Variants in NOS1 observed in about 807,000 individuals in gnomAD.
The protein encoded by NOS1 is nitric oxide synthase 1.
Under a neutral mutation model 164.5 loss-of-function variants are expected in NOS1, and 51 were observed. The observed-to-expected ratio is 0.31, with a 90% confidence interval of 0.25 to 0.39. The LOEUF is 0.39. Ranked by LOEUF, NOS1 falls within the 10% of genes least tolerant of loss-of-function variation. NOS1 has a pLI of 1.00. For missense variants in NOS1, 1,362 were observed against 1,885.6 expected, an observed-to-expected ratio of 0.72 and a Z score of 5.14; for synonymous variants, 719 against 745.8, an observed-to-expected ratio of 0.96 and a Z score of 0.59.
rs143822731 is a variant in NOS1 at position 117,211,752 on chromosome 12, C to T, written c.*3557G>A. 31 of 985,382 alleles carry T rather than the reference C, an allele frequency of 3.1e-5. No homozygotes were observed. Among genetic ancestry groups the T allele is most frequent in the South Asian group, 4.7e-5 (1 of 21,280 alleles). 61.0% of individuals were successfully genotyped at this position (985,382 alleles called of 1,614,324 possible). Reference sequence around the variant, plus strand: ...CCAGAAATTTATGTCAGTTCCAAGACGGGTGTCTCTCTCCATCAGATTATA... The same window carrying T: ...CCAGAAATTTATGTCAGTTCCAAGATGGGTGTCTCTCTCCATCAGATTATA... On this transcript the variant is annotated 3_prime_UTR_variant, in exon 29 of 29. Coordinates refer to ENST00000317775, the MANE Select transcript of NOS1 (RefSeq NM_000620.5).
At chr12:117,260,660 A>G in intron 13 of NOS1, 51 bp from the exon 14 acceptor site, 1 of 1,585,758 alleles carries the variant, frequency 6.3e-7, no homozygotes, top group African/African-American at 1.3e-5. Context: ...AAGGGGAGAG[A>G]AGATGCTGGA....
At chr12:117,348,584 T>C (rs1041549399) in intron 1 of NOS1, among the ~76,000 whole-genome samples, 4 of 152,250 alleles carry the variant, frequency 2.6e-5, no homozygotes, top group Admixed American at 1.3e-4. Flanking sequence ...TCTTAGATAC[T>C]ATAGCCTCAT....
intron 1 of NOS1, among the ~76,000 whole-genome samples, chr12:117,350,398 C>A (rs1410384602): frequency 6.6e-6 from 1 of 152,134 alleles, no homozygotes; most frequent in East Asian, 1.9e-4. Context: ...TGAGTCACAC[C>A]TCCTCAATTA....
chr12:117,353,208 G>A (rs1876708860), intron 1 of NOS1, among the ~76,000 whole-genome samples: 1 of 151,706 alleles, frequency 6.6e-6, no homozygotes, highest in Non-Finnish European at 1.5e-5. Flanking sequence ...CCTATCATCT[G>A]TTATCTATCT....
intron 26 of NOS1, among the ~76,000 whole-genome samples, chr12:117,222,057 T>A (rs1415222127): frequency 6.6e-6 from 1 of 152,082 alleles, no homozygotes; most frequent in African/African-American, 2.4e-5. Flanking sequence ...TTCTCAGTGT[T>A]ACGGGATCAT....
intron 22 of NOS1, among the ~76,000 whole-genome samples, chr12:117,228,866 C>T (rs539995536): frequency 6.2e-4 from 95 of 152,224 alleles, no homozygotes; most frequent in Admixed American, 4.3e-3. Context: ...CTGTAAGCTC[C>T]GCCTCCCGGG....
In NOS1 at chr12:117,222,872, C is replaced by G; in HGVS notation, c.3827-9G>C. On this transcript the variant is annotated splice_polypyrimidine_tract_variant and intron_variant, in intron 25 of 28. Transcript: ENST00000317775. ...GGGGCAGGGGTTCATTCCTGGGGAC[C>G]AGGAAGACCTTATGTCACCGATGGC... The G allele has an allele frequency of 6.2e-7, 1 of 1,611,744 alleles. No individual in the cohort carries two copies. Among genetic ancestry groups the G allele is most frequent in the Non-Finnish European group, 8.5e-7 (1 of 1,179,040 alleles).
At chr12:117,302,589 C>T (rs11831562) in intron 3 of NOS1, among the ~76,000 whole-genome samples, 18,073 of 114,200 alleles carry the variant, frequency 0.16, 1,396 homozygotes, top group South Asian at 0.29. Context: ...AGCGAGACTC[C>T]GTCTCAAAAA....
At chr12:117,335,729 T>TGAGAGAGAGGGA (rs1875776582) in intron 1 of NOS1, among the ~76,000 whole-genome samples, 1 of 112,540 alleles carries the variant, frequency 8.9e-6, no homozygotes, top group African/African-American at 3.6e-5. Flanking sequence ...ACAGACTATA[T>TGAGAGAGAGGGA]GAGAGAGAGA....
rs764359431 is a variant in NOS1 at position 117,330,866 on chromosome 12, G to A, written c.204C>T (p.Asn68=). 8.1e-6 allele frequency: 13 copies of A among 1,614,150 alleles called. No individual in the cohort carries two copies. Among genetic ancestry groups the A allele is most frequent in the Admixed American group, 3.3e-5 (2 of 60,032 alleles). The change falls in exon 2 of 29, where the codon AAC becomes AAT. Residue 68 remains asparagine, a synonymous_variant. Coordinates refer to ENST00000317775, the MANE Select transcript of NOS1 (RefSeq NM_000620.5). The surrounding 1 kb of genome is among the most constrained non-coding windows in gnomAD (Gnocchi z 4.6). ...IQAGDIILAV[N]GRPLVDLSYD... is the part of the protein sequence containing the mutation. ...AGCTCAGGTCCACCAAGGGCCGGCC[G>A]TTGACCGCAAGAATGATGTCTCCGG...
chr12:117,358,329 C>G (rs879864313), intron 1 of NOS1, among the ~76,000 whole-genome samples: 12 of 147,680 alleles, frequency 8.1e-5, no homozygotes, highest in Non-Finnish European at 1.5e-4. Flanking sequence ...TCACAATACC[C>G]CCGCCCTCTC....
In NOS1 at chr12:117,243,001, G is replaced by A. The variant is rs557108785; in HGVS notation, c.2962+296C>T. Among the ~76,000 whole-genome samples the A allele has an allele frequency of 1.3e-5, 2 of 152,336 alleles. No homozygotes were observed. Among genetic ancestry groups the A allele is most frequent in the Admixed American group, 1.3e-4 (2 of 15,308 alleles). On this transcript the variant is annotated intron_variant, in intron 19 of 28. Transcript: ENST00000317775. This position sits in a 1 kb window ranked among gnomAD's most constrained non-coding sequence, Gnocchi z 4.3. ...AGAGGAGATGAGGCAGGCATTGGTT[G>A]GGATGGGTGGGGTGGTTGTGGGTAG...
chr12:117,300,034 C>G lies in NOS1; in HGVS notation c.853-9608G>C, dbSNP rs148496289. Among the ~76,000 whole-genome samples, 55 of 152,130 alleles carry G rather than the reference C, an allele frequency of 3.6e-4. 1 individual carries two copies. The highest frequency in any genetic ancestry group is 1.2e-3 in the African/African-American group (48 of 41,492). ...GTTGAAAGCCTTAACTTGCTAAATG[C>G]AAATATTGAAAATGCACAACAAGTT... On this transcript the variant is annotated intron_variant, in intron 3 of 28. Transcript: ENST00000317775.
At chr12:117,266,466 C>A (rs137984813) in intron 11 of NOS1, among the ~76,000 whole-genome samples, 6 of 151,888 alleles carry the variant, frequency 4.0e-5, no homozygotes, top group Non-Finnish European at 8.8e-5. Context: ...TTAGCAATTG[C>A]GAATTGTGCT....
chr12:117,285,945 G>A (rs535259379), intron 6 of NOS1, among the ~76,000 whole-genome samples, 159 bp downstream of exon 6: 3 of 152,292 alleles, frequency 2.0e-5, no homozygotes, highest in South Asian at 4.1e-4. Flanking sequence ...AGAGCTGGCT[G>A]TGATCTTGGA....
At chr12:117,220,951 G>A (rs1956693580) in intron 26 of NOS1, among the ~76,000 whole-genome samples, 1 of 151,836 alleles carries the variant, frequency 6.6e-6, no homozygotes, top group South Asian at 2.1e-4. Flanking sequence ...TTAAGACTGA[G>A]ATACTCCCAC....
At chr12:117,346,299 C>T (rs1017111083) in intron 1 of NOS1, among the ~76,000 whole-genome samples, 3 of 152,008 alleles carry the variant, frequency 2.0e-5, no homozygotes, top group Non-Finnish European at 4.4e-5. Flanking sequence ...GGTGAAACCC[C>T]GTCTCTACTA....
At chr12:117,320,917 T>G (rs1397092681) in intron 2 of NOS1, among the ~76,000 whole-genome samples, 1 of 152,198 alleles carries the variant, frequency 6.6e-6, no homozygotes, top group African/African-American at 2.4e-5. Context: ...CCCCCCTATC[T>G]AATGCTCTAC....
In NOS1 at chr12:117,275,930, A is replaced by G. The variant is rs796311706; in HGVS notation, c.1664+2029T>C. 2.1e-4 allele frequency among the ~76,000 whole-genome samples: 32 copies of G among 152,252 alleles called. 1 individual carries two copies. The highest frequency in any genetic ancestry group is 7.7e-4 in the African/African-American group (32 of 41,546). Reference sequence around the variant, plus strand: ...CTCACGGTGGATGTCCTTTACTCTCAAAGGGCAAATGCTGTTTGTGTTGCT... The same window carrying G: ...CTCACGGTGGATGTCCTTTACTCTCGAAGGGCAAATGCTGTTTGTGTTGCT... On this transcript the variant is annotated intron_variant, in intron 9 of 28. Coordinates refer to ENST00000317775, the MANE Select transcript of NOS1 (RefSeq NM_000620.5).
Sources: allele counts gnomAD v4.1 joint callset (sites outside exome capture counted in the v4.1 genomes callset), GRCh38; gene constraint gnomAD v4.1.1; non-coding constraint Gnocchi (gnomAD v3.1); transcripts MANE v1.5; gene names NCBI Gene and HGNC (gene_info 2026-07-23, HGNC 2026-07-21).